Variants in PKN2 observed in about 807,000 individuals in gnomAD.
The protein encoded by PKN2 is serine/threonine-protein kinase N2.
A neutral mutation model predicts 119.1 loss-of-function variants in PKN2; 38 were observed. The observed-to-expected ratio is 0.32, with a 90% CI of 0.25 to 0.42. PKN2 has a LOEUF of 0.42. PKN2 is among the 10% of genes least tolerant of loss of function. The pLI is 1.00. For synonymous variants in PKN2, 390 were observed against 384.9 expected, an observed-to-expected ratio of 1.01 and a Z score of -0.15; for missense variants, 850 against 1,165.1, an observed-to-expected ratio of 0.73 and a Z score of 3.94.
chr1:88,781,822 A>T (rs1670357158), intron 6 of PKN2, among the ~76,000 whole-genome samples: 1 of 152,152 alleles, frequency 6.6e-6, no homozygotes, highest in Admixed American at 6.5e-5. Context: ...AGTTAGCTAA[A>T]TTTGCCAGTT....
At chr1:88,779,815 CT>C (rs1284416218) in intron 6 of PKN2, among the ~76,000 whole-genome samples, 1 of 152,220 alleles carries the variant, frequency 6.6e-6, no homozygotes, top group East Asian at 1.9e-4. Context: ...TTAAACTTCG[CT>C]GTTGCCACTA....
intron 1 of PKN2, among the ~76,000 whole-genome samples, chr1:88,728,849 C>T (rs1668006081): frequency 1.3e-5 from 2 of 151,230 alleles, no homozygotes; most frequent in African/African-American, 4.9e-5. Context: ...TTTTTCCCCC[C>T]ACAAGTCTAT....
Position 88,821,470 on chromosome 1 carries a change from C to T in PKN2, c.2280-471C>T, listed in dbSNP as rs1022716122. Among the ~76,000 whole-genome samples, 2 of 152,172 alleles carry T rather than the reference C, an allele frequency of 1.3e-5. 1 individual carries two copies. Among genetic ancestry groups the T allele is most frequent in the Non-Finnish European group, 2.9e-5 (2 of 68,028 alleles). On this transcript the variant is annotated intron_variant, in intron 16 of 21. Transcript: ENST00000370521. ...ATAATATGACATTCAAGGTCCTTCG[C>T]CCAGGATATCTTTTCAGCCTAATCT...
chr1:88,753,653 C>T (rs950087804), intron 2 of PKN2, among the ~76,000 whole-genome samples: 2 of 145,534 alleles, frequency 1.4e-5, no homozygotes, highest in Non-Finnish European at 3.0e-5. Context: ...GAAGCAAACC[C>T]GTCTTACATG....
chr1:88,829,091 G>GT (rs1672626227), intron 19 of PKN2: 4 of 695,108 alleles, frequency 5.8e-6, no homozygotes, highest in South Asian at 4.3e-5. Flanking sequence ...GTAGAATTTC[G>GT]TAAGAACAAA....
At chr1:88,720,679 A>G (rs1370800609) in intron 1 of PKN2, among the ~76,000 whole-genome samples, 1 of 152,026 alleles carries the variant, frequency 6.6e-6, no homozygotes, top group Non-Finnish European at 1.5e-5. Flanking sequence ...GTTTGGTTAC[A>G]TGGATAAGTT....
chr1:88,729,262 T>C (rs1668031982), intron 1 of PKN2, among the ~76,000 whole-genome samples: 1 of 152,244 alleles, frequency 6.6e-6, no homozygotes, highest in African/African-American at 2.4e-5. Context: ...AAGTAATCGA[T>C]AATAATTGTA....
intron 1 of PKN2, among the ~76,000 whole-genome samples, chr1:88,708,815 T>G (rs1347602694): frequency 2.0e-5 from 3 of 152,060 alleles, no homozygotes; most frequent in Non-Finnish European, 4.4e-5. Context: ...ATGTAATATA[T>G]GTCACATTTT....
At chr1:88,741,459 T>G (rs1668577617) in intron 2 of PKN2, among the ~76,000 whole-genome samples, 171 bp downstream of exon 2, 1 of 152,030 alleles carries the variant, frequency 6.6e-6, no homozygotes, top group South Asian at 2.1e-4. Flanking sequence ...AGGGCAGGAG[T>G]TGATAGGTAT....
At chr1:88,827,373 C>A (rs778494697) in intron 18 of PKN2, among the ~76,000 whole-genome samples, 2 of 151,888 alleles carry the variant, frequency 1.3e-5, no homozygotes, top group Non-Finnish European at 2.9e-5. Flanking sequence ...AATGACATAT[C>A]TTGAGGCCAA....
At chr1:88,721,465 G>C (rs758517232) in intron 1 of PKN2, among the ~76,000 whole-genome samples, 1 of 152,094 alleles carries the variant, frequency 6.6e-6, no homozygotes, top group Non-Finnish European at 1.5e-5. Context: ...TGGACACAGT[G>C]GGGGGCTTGC....
At chr1:88,786,483 A>G (rs1416985413) in intron 8 of PKN2, among the ~76,000 whole-genome samples, 1 of 152,198 alleles carries the variant, frequency 6.6e-6, no homozygotes, top group East Asian at 1.9e-4. Flanking sequence ...TGTAATATTG[A>G]AGCATATTGG....
At chr1:88,685,265 T>C (rs922325501) in intron 1 of PKN2, 1 of 152,070 alleles carries the variant, frequency 6.6e-6, no homozygotes, top group Non-Finnish European at 1.5e-5. Flanking sequence ...TTTTTTTTTT[T>C]TTAACCGAGT....
chr1:88,769,160 C>A (rs1008974800), intron 3 of PKN2, among the ~76,000 whole-genome samples: 2 of 152,160 alleles, frequency 1.3e-5, no homozygotes, highest in African/African-American at 4.8e-5. Flanking sequence ...GACAAACATC[C>A]AAACCATATC....
chr1:88,695,642 T>C (rs925544237), intron 1 of PKN2, among the ~76,000 whole-genome samples: 4 of 152,210 alleles, frequency 2.6e-5, no homozygotes, highest in African/African-American at 7.2e-5. Flanking sequence ...TCCTCAAGTT[T>C]TCTTGTCTTT....
rs371197111 is a variant in PKN2, at chr1:88,748,329, G to A, written c.349+7041G>A. On this transcript the variant is annotated intron_variant, in intron 2 of 21. Coordinates refer to ENST00000370521, the MANE Select transcript of PKN2 (RefSeq NM_006256.4). ...ATAGTTCTCTTTTGAAGAATGCCAT[G>A]TACATAGAATTATAAAGTATATAAG... Among the ~76,000 whole-genome samples, 11 of 152,090 alleles carry A rather than the reference G, an allele frequency of 7.2e-5. No individual in the cohort carries two copies. The East Asian group carries it at 1.5e-3, about 21-fold the overall frequency.
At chr1:88,800,324 A>G (rs1331602366) in intron 8 of PKN2, among the ~76,000 whole-genome samples, 1 of 152,184 alleles carries the variant, frequency 6.6e-6, no homozygotes, top group Non-Finnish European at 1.5e-5. Context: ...AGAAAACGTA[A>G]TATTTTTATT....
intron 1 of PKN2, among the ~76,000 whole-genome samples, chr1:88,712,934 C>T (rs1266496137): frequency 6.6e-6 from 1 of 151,892 alleles, no homozygotes; most frequent in Non-Finnish European, 1.5e-5. Context: ...CCTACCCCCA[C>T]CCCACAACAG....
chr1:88,764,156 T>C (rs1375270851), intron 3 of PKN2, among the ~76,000 whole-genome samples: 1 of 152,156 alleles, frequency 6.6e-6, no homozygotes, highest in Non-Finnish European at 1.5e-5. Flanking sequence ...TAAAACACCT[T>C]CCTCTCTCAT....
Sources: allele counts gnomAD v4.1 joint callset (sites outside exome capture counted in the v4.1 genomes callset), GRCh38; gene constraint gnomAD v4.1.1; transcripts MANE v1.5; gene names NCBI Gene and HGNC (gene_info 2026-07-23, HGNC 2026-07-21).